Variants in HHAT observed in about 807,000 individuals in gnomAD.
HHAT encodes the protein hedgehog acyltransferase.
Under a neutral mutation model 70.8 loss-of-function variants are expected in HHAT, and 47 were observed. The ratio of observed to expected loss-of-function variants is 0.66; its 90% CI spans 0.53 to 0.85. HHAT has a LOEUF of 0.85. Among genes scored for constraint, HHAT ranks in the 40% least tolerant of loss-of-function variants. The pLI is 0.00. For synonymous variants in HHAT, 228 were observed against 247.6 expected (o/e 0.92, Z 0.74); for missense variants, 609 against 604.8 (o/e 1.01, Z -0.07).
At chr1:210,479,909 G>A (rs918313476) in intron 8 of HHAT, among the ~76,000 whole-genome samples, 1 of 152,188 alleles carries the variant, frequency 6.6e-6, no homozygotes, top group Non-Finnish European at 1.5e-5. Flanking sequence ...CAGACTCGGA[G>A]TCACATCCTG....
At chr1:210,627,359 C>T (rs1670014047) in intron 11 of HHAT, among the ~76,000 whole-genome samples, 1 of 152,112 alleles carries the variant, frequency 6.6e-6, no homozygotes, top group African/African-American at 2.4e-5. Context: ...TCATGATTCG[C>T]CTGGAAAAGT....
At chr1:210,488,832 G>A (rs76581046) in intron 8 of HHAT, among the ~76,000 whole-genome samples, 11,325 of 152,236 alleles carry the variant, frequency 0.074, 592 homozygotes, top group Non-Finnish European at 0.11. Flanking sequence ...GGCAGAGATC[G>A]CAGTGAGCCA....
intron 7 of HHAT, among the ~76,000 whole-genome samples, chr1:210,426,703 T>G (rs1190588458): frequency 6.6e-6 from 1 of 152,182 alleles, no homozygotes; most frequent in Non-Finnish European, 1.5e-5. Context: ...TACTTGATTG[T>G]GGTGGATAAG....
At chr1:210,395,889 C>T (rs1334384393) in intron 4 of HHAT, among the ~76,000 whole-genome samples, 3 of 152,162 alleles carry the variant, frequency 2.0e-5, no homozygotes, top group African/African-American at 7.2e-5. Context: ...TCCTTCCATC[C>T]AATAGTTATG....
chr1:210,532,646 A>G (rs964395641), intron 9 of HHAT, among the ~76,000 whole-genome samples: 4 of 152,184 alleles, frequency 2.6e-5, no homozygotes, highest in African/African-American at 9.7e-5. Flanking sequence ...AGTTTTAGAT[A>G]CTGGATTTTA....
intron 2 of HHAT, among the ~76,000 whole-genome samples, chr1:210,353,655 T>C (rs1191215096): frequency 2.0e-5 from 3 of 152,126 alleles, no homozygotes; most frequent in Admixed American, 2.0e-4. Context: ...TGGTGTTTCA[T>C]TATTTTATAT....
chr1:210,399,110 CT>C (rs1558436380), intron 4 of HHAT, among the ~76,000 whole-genome samples: 1 of 152,216 alleles, frequency 6.6e-6, no homozygotes, highest in African/African-American at 2.4e-5. Flanking sequence ...AGTTCAGGCA[CT>C]TATCACTTTT....
At chr1:210,446,585 C>T (rs1157858147) in intron 7 of HHAT, among the ~76,000 whole-genome samples, 2 of 152,204 alleles carry the variant, frequency 1.3e-5, no homozygotes, top group East Asian at 3.9e-4. Flanking sequence ...GCCACCGTGA[C>T]TCATCTCCTC....
rs112895155 is a variant in HHAT at position 210,613,003 on chromosome 1, A to G, written c.1246-10523A>G. Among the ~76,000 whole-genome samples the G allele has an allele frequency of 5.1e-3, 779 of 152,294 alleles. 11 individuals carry two copies. The highest frequency in any genetic ancestry group is 0.018 in the African/African-American group (730 of 41,568). ...GTTGTGTTATAGGAGTTCTTGATATATTCTGGATATTAAGCTCTTATCAAT... is the reference window on the plus strand; with the variant it reads ...GTTGTGTTATAGGAGTTCTTGATATGTTCTGGATATTAAGCTCTTATCAAT... On this transcript the variant is annotated intron_variant, in intron 10 of 11. Coordinates refer to ENST00000261458, the MANE Select transcript of HHAT (RefSeq NM_018194.6).
At chr1:210,601,675 G>C (rs1558250770) in intron 10 of HHAT, among the ~76,000 whole-genome samples, 2 of 152,018 alleles carry the variant, frequency 1.3e-5, no homozygotes, top group African/African-American at 4.8e-5. Flanking sequence ...CATGAATGAA[G>C]GTGTCTTGCC....
intron 2 of HHAT, among the ~76,000 whole-genome samples, chr1:210,355,754 G>A (rs950513667): frequency 2.6e-5 from 4 of 152,144 alleles, no homozygotes; most frequent in South Asian, 2.1e-4. Context: ...TGTTAAAGTA[G>A]TATATGAAAT....
At chr1:210,540,653 CAT>C (rs1196980255) in intron 9 of HHAT, among the ~76,000 whole-genome samples, 1 of 149,180 alleles carries the variant, frequency 6.7e-6, no homozygotes, top group African/African-American at 2.5e-5. Context: ...TTTTTTAAGA[CAT>C]GAGGTCTTGC....
At position 210,363,941 on chromosome 1, in the gene HHAT, T is replaced by C. The variant is rs539881189; in HGVS notation, c.159+1022T>C. Among the ~76,000 whole-genome samples the C allele has an allele frequency of 3.3e-5, 5 of 152,298 alleles. No homozygotes were observed. The East Asian group carries it at 9.7e-4, about 29-fold the overall frequency. ...TCATTTCCAAGTTGGGTACTGCCTG[T>C]ACTAATATTTTTCTATTGAAAGTTG... is the stretch of plus-strand genomic sequence containing the variant. On this transcript the variant is annotated intron_variant, in intron 3 of 11. Coordinates refer to ENST00000261458, the MANE Select transcript of HHAT (RefSeq NM_018194.6).
intron 2 of HHAT, among the ~76,000 whole-genome samples, chr1:210,354,161 T>C (rs2147992305): frequency 6.6e-6 from 1 of 151,968 alleles, no homozygotes. Context: ...TATGATGTGA[T>C]ATTTTTTCAC....
chr1:210,379,237 T>C (rs2090451803), intron 3 of HHAT, among the ~76,000 whole-genome samples: 1 of 152,234 alleles, frequency 6.6e-6, no homozygotes, highest in African/African-American at 2.4e-5. Flanking sequence ...TCTGCCACCA[T>C]TTTCTTCAGA....
At chr1:210,346,639 T>G (rs2086550990) in intron 1 of HHAT, among the ~76,000 whole-genome samples, 1 of 152,240 alleles carries the variant, frequency 6.6e-6, no homozygotes, top group Non-Finnish European at 1.5e-5. Context: ...GACTTTTAGG[T>G]AACGAAATGG....
intron 10 of HHAT, among the ~76,000 whole-genome samples, chr1:210,611,451 C>T (rs893502446): frequency 2.6e-5 from 4 of 151,236 alleles, no homozygotes; most frequent in Non-Finnish European, 5.9e-5. Context: ...CATGTCATCT[C>T]CAAAGATAAT....
chr1:210,492,478 C>T (rs928424886), intron 8 of HHAT, among the ~76,000 whole-genome samples: 7 of 152,276 alleles, frequency 4.6e-5, no homozygotes, highest in African/African-American at 1.7e-4. Context: ...TGAGTGAAGG[C>T]ACTTTGAGAG....
intron 3 of HHAT, among the ~76,000 whole-genome samples, chr1:210,365,271 G>T (rs2088800435): frequency 6.8e-6 from 1 of 148,122 alleles, no homozygotes; most frequent in Non-Finnish European, 1.5e-5. Flanking sequence ...TTGAATGTTA[G>T]TCTGCAGCTG....
Sources: allele counts gnomAD v4.1 joint callset (sites outside exome capture counted in the v4.1 genomes callset), GRCh38; gene constraint gnomAD v4.1.1; transcripts MANE v1.5; gene names NCBI Gene and HGNC (gene_info 2026-07-23, HGNC 2026-07-21).